Variants in HYAL4 observed in about 807,000 individuals in gnomAD.
The protein encoded by HYAL4 is hyaluronidase 4, also known as hyaluronidase-4.
HYAL4 carries 37 observed loss-of-function variants against 35.2 expected under a neutral mutation model. That is an observed-to-expected ratio of 1.05 (90% CI 0.81 to 1.38). HYAL4 has a LOEUF of 1.38. Among genes scored for constraint, HYAL4 ranks in the 40% most tolerant of loss-of-function variants. The pLI is 0.00. For missense variants in HYAL4, 572 were observed against 572.4 expected (o/e 1.00, Z 0.01); for synonymous variants, 198 against 203.2 (o/e 0.97, Z 0.22).
At chr7:123,873,503 A>G (rs1233496655) in intron 3 of HYAL4, among the ~76,000 whole-genome samples, 1 of 110,456 alleles carries the variant, frequency 9.1e-6, no homozygotes, top group Non-Finnish European at 2.2e-5. Context: ...TCAAGTATTA[A>G]TATTAAGTGC....
At chr7:123,764,600 G>C in the HYAL4 span, among the ~76,000 whole-genome samples, 1 of 152,220 alleles carries the variant, frequency 6.6e-6, no homozygotes, top group African/African-American at 2.4e-5. Context: ...GGAAAGAAAG[G>C]AATGGAGTGA....
At chr7:123,784,105 C>T in the HYAL4 span, among the ~76,000 whole-genome samples, 2 of 152,088 alleles carry the variant, frequency 1.3e-5, no homozygotes, top group East Asian at 3.9e-4. Flanking sequence ...GTTTGAATAT[C>T]CTTCAGTTTC....
At chr7:123,829,730 C>T (rs985780978) in intron 1 of HYAL4, among the ~76,000 whole-genome samples, 9 of 152,026 alleles carry the variant, frequency 5.9e-5, no homozygotes, top group Admixed American at 3.9e-4. Context: ...GCAACTTCAG[C>T]CTGAGGTGGG....
the HYAL4 span, chr7:123,790,485 A>G: frequency 6.6e-6 from 1 of 151,542 alleles, no homozygotes; most frequent in Non-Finnish European, 1.5e-5. Flanking sequence ...GCCAACCCAA[A>G]TTTCTATAGC....
chr7:123,823,889 A>G, the HYAL4 span, among the ~76,000 whole-genome samples: 1 of 152,082 alleles, frequency 6.6e-6, no homozygotes, highest in Non-Finnish European at 1.5e-5. Context: ...GCCTTTGAGT[A>G]TGGTCATCCA....
the HYAL4 span, among the ~76,000 whole-genome samples, chr7:123,791,847 A>G: frequency 2.6e-5 from 4 of 152,198 alleles, no homozygotes; most frequent in Non-Finnish European, 4.4e-5. Flanking sequence ...TTAATGGCCA[A>G]TTCTCATCTG....
At chr7:123,804,954 G>A in the HYAL4 span, among the ~76,000 whole-genome samples, 2 of 152,158 alleles carry the variant, frequency 1.3e-5, no homozygotes, top group African/African-American at 2.4e-5. Context: ...TCCAGATGTG[G>A]AGGTGGGGTC....
chr7:123,851,081 T>C (rs1409914880), intron 2 of HYAL4, among the ~76,000 whole-genome samples: 2 of 152,220 alleles, frequency 1.3e-5, no homozygotes, highest in Non-Finnish European at 2.9e-5. Flanking sequence ...TATGTTGCTA[T>C]GAATTAATGT....
intron 2 of HYAL4, among the ~76,000 whole-genome samples, chr7:123,851,982 T>G (rs552380024): frequency 2.6e-5 from 4 of 152,378 alleles, no homozygotes; most frequent in African/African-American, 7.2e-5. Flanking sequence ...TGCATTTCTC[T>G]AATGACCAGT....
chr7:123,837,882 T>A (rs1584909965), intron 1 of HYAL4, among the ~76,000 whole-genome samples: 1 of 152,138 alleles, frequency 6.6e-6, no homozygotes, highest in Non-Finnish European at 1.5e-5. Context: ...TATTCTATGG[T>A]GTATATGTGT....
chr7:123,829,484 A>C (rs1247742802), intron 1 of HYAL4, among the ~76,000 whole-genome samples: 1 of 152,188 alleles, frequency 6.6e-6, no homozygotes, highest in Non-Finnish European at 1.5e-5. Context: ...AATAAAAATA[A>C]AAAAGTTAGT....
At chr7:123,863,288 A>T (rs1258908164) in intron 2 of HYAL4, among the ~76,000 whole-genome samples, 1 of 152,186 alleles carries the variant, frequency 6.6e-6, no homozygotes, top group Admixed American at 6.5e-5. Context: ...AAGATGCTCA[A>T]TAAACATTTT....
chr7:123,823,767 T>TTA, the HYAL4 span, among the ~76,000 whole-genome samples: 2 of 149,342 alleles, frequency 1.3e-5, no homozygotes, highest in East Asian at 1.9e-4. Context: ...ACACATATAT[T>TTA]TATATATATA....
chr7:123,855,581 G>T (rs1806418278), intron 2 of HYAL4, among the ~76,000 whole-genome samples: 1 of 152,110 alleles, frequency 6.6e-6, no homozygotes, highest in African/African-American at 2.4e-5. Flanking sequence ...TTAGTCTGAT[G>T]GACTTCCCTT....
the HYAL4 span, among the ~76,000 whole-genome samples, chr7:123,817,034 T>C: frequency 1.6e-4 from 24 of 152,190 alleles, no homozygotes; most frequent in Non-Finnish European, 3.4e-4. Flanking sequence ...AACCTTCCTA[T>C]AACGCAGGAA....
the HYAL4 span, among the ~76,000 whole-genome samples, chr7:123,769,769 T>G: frequency 6.9e-6 from 1 of 145,102 alleles, no homozygotes; most frequent in Non-Finnish European, 1.5e-5. Flanking sequence ...CTTTTGTAAA[T>G]AACCTCATAG....
At chr7:123,832,482 T>C (rs1805900249) in intron 1 of HYAL4, among the ~76,000 whole-genome samples, 1 of 20,564 alleles carries the variant, frequency 4.9e-5, no homozygotes, top group African/African-American at 1.9e-4. Flanking sequence ...TGTCATACTT[T>C]TTTTTTTTTT....
chr7:123,784,658 A>G, the HYAL4 span, among the ~76,000 whole-genome samples: 3 of 152,196 alleles, frequency 2.0e-5, no homozygotes, highest in East Asian at 3.9e-4. Flanking sequence ...GTTTTTCTCA[A>G]AGGACTTTCA....
At chr7:123,820,112 C>CT in the HYAL4 span, among the ~76,000 whole-genome samples, 4 of 151,666 alleles carry the variant, frequency 2.6e-5, no homozygotes, top group Non-Finnish European at 4.4e-5. Context: ...AGGCTGGTCT[C>CT]AAACTCCTGG....
Sources: gnomAD v4.1 joint callset for allele counts (sites outside exome capture counted in the v4.1 genomes callset) on GRCh38, gnomAD v4.1.1 for gene constraint, MANE v1.5 for transcripts, NCBI Gene and HGNC (gene_info 2026-07-23, HGNC 2026-07-21) for gene names.